The following TRIQK variants were observed in gnomAD, a reference collection of about 807,000 sequenced individuals.
The protein encoded by TRIQK is triple QxxK/R motif-containing protein.
A neutral mutation model predicts 10.8 loss-of-function variants in TRIQK; 10 were observed. The observed-to-expected ratio is 0.92, with a 90% CI of 0.57 to 1.57. The LOEUF is 1.57. Among genes scored for constraint, TRIQK ranks in the 40% most tolerant of loss-of-function variants. The pLI is 0.00. For synonymous variants in TRIQK, 33 were observed against 33.7 expected (o/e 0.98, Z 0.07); for missense variants, 107 against 97.7 (o/e 1.09, Z -0.40).
In TRIQK at chr8:93,015,582, C is replaced by T. The variant is rs150857660; in HGVS notation, c.-181+2027G>A. Among the ~76,000 whole-genome samples the T allele has an allele frequency of 2.2e-3, 340 of 151,894 alleles. 4 individuals are homozygous for T. Among genetic ancestry groups the T allele is most frequent in the East Asian group, 0.02 (103 of 5,170 alleles). ...AAGATGCAACTTTCTAACAAATCCT[C>T]GCTTTTGCTGTTCAGGATGCTATCT... On this transcript the variant is annotated intron_variant, in intron 1 of 4. Coordinates refer to the TRIQK transcript ENST00000520686.
chr8:92,977,909 G>C (rs1812949868), intron 1 of TRIQK, among the ~76,000 whole-genome samples: 1 of 152,128 alleles, frequency 6.6e-6, no homozygotes, highest in Non-Finnish European at 1.5e-5. Context: ...TATTGACCTA[G>C]TTATAGCCAT....
intron 1 of TRIQK, among the ~76,000 whole-genome samples, chr8:92,976,375 A>G (rs904323803): frequency 6.6e-6 from 1 of 151,980 alleles, no homozygotes; most frequent in Non-Finnish European, 1.5e-5. Context: ...TGACTCCTTC[A>G]TCATTATGAA....
chr8:92,951,263 C>T (rs1811889560), intron 2 of TRIQK, among the ~76,000 whole-genome samples: 1 of 152,000 alleles, frequency 6.6e-6, no homozygotes, highest in East Asian at 1.9e-4. Flanking sequence ...TCATAGGCTT[C>T]CAGTTTCCAT....
rs72677457 is a variant in TRIQK at position 92,899,831 on chromosome 8, G to A, written c.62-7757C>T. ...AGGTTTTTGGGGGAACCTCCAAACC[G>A]TTTTCAATAGTGGTTGTACTAATTT... On this transcript the variant is annotated intron_variant, in intron 3 of 4. Transcript: ENST00000521988. Among the ~76,000 whole-genome samples, 363 of 152,250 alleles carry A rather than the reference G, an allele frequency of 2.4e-3. 2 individuals carry two copies. The highest frequency in any genetic ancestry group is 3.7e-3 in the Non-Finnish European group (255 of 68,022).
intron 1 of TRIQK, among the ~76,000 whole-genome samples, chr8:93,007,967 G>A (rs1024573073): frequency 6.6e-6 from 1 of 152,180 alleles, no homozygotes; most frequent in Non-Finnish European, 1.5e-5. Flanking sequence ...GCCATAAAAA[G>A]AAACGAGACC....
At chr8:92,891,909 T>G in intron 4 of TRIQK, 80 bp downstream of exon 4, 2 of 989,096 alleles carry the variant, frequency 2.0e-6, no homozygotes, top group Non-Finnish European at 2.9e-6. Context: ...CATTTAGAAT[T>G]CAACATTTAT....
At chr8:92,958,393 G>A (rs1812283106) in intron 1 of TRIQK, among the ~76,000 whole-genome samples, 1 of 151,914 alleles carries the variant, frequency 6.6e-6, no homozygotes, top group South Asian at 2.1e-4. Flanking sequence ...TGATTGATAT[G>A]TAACTCATAA....
In TRIQK at chr8:92,911,034, TA is replaced by T. The variant is rs766152276; in HGVS notation, c.61+5894del. Reference sequence around the variant, plus strand: ...GGGAATGTTAACAAAATTGACTGCATACTAATTCAGACAGGAAATACTAATA... The same window carrying T: ...GGGAATGTTAACAAAATTGACTGCATCTAATTCAGACAGGAAATACTAATA... On this transcript the variant is annotated intron_variant, in intron 3 of 4. Coordinates refer to ENST00000521988, the MANE Select transcript of TRIQK (RefSeq NM_001171797.2). Among the ~76,000 whole-genome samples the T allele has an allele frequency of 4.4e-4, 66 of 151,528 alleles. 1 individual carries two copies. In the East Asian group the frequency reaches 0.012, roughly 28 times the overall value.
chr8:92,971,202 G>A (rs768973898), intron 1 of TRIQK, among the ~76,000 whole-genome samples: 1 of 152,034 alleles, frequency 6.6e-6, no homozygotes, highest in African/African-American at 2.4e-5. Flanking sequence ...CTGTAGCCTT[G>A]TAGTATAGTT....
intron 1 of TRIQK, among the ~76,000 whole-genome samples, chr8:92,995,003 T>C (rs1051634858): frequency 1.3e-5 from 2 of 152,106 alleles, no homozygotes; most frequent in African/African-American, 4.8e-5. Context: ...CTAAACTATT[T>C]CTACTGAAAG....
intron 2 of TRIQK, among the ~76,000 whole-genome samples, chr8:92,943,469 A>C (rs1811371509): frequency 6.6e-6 from 1 of 152,344 alleles, no homozygotes; most frequent in East Asian, 1.9e-4. Context: ...ATTGGCATAA[A>C]AACAGACACA....
chr8:92,984,413 G>A (rs1813013074), intron 1 of TRIQK, among the ~76,000 whole-genome samples: 1 of 151,992 alleles, frequency 6.6e-6, no homozygotes, highest in African/African-American at 2.4e-5. Flanking sequence ...ATGTCAAGGG[G>A]GAAAAAAGTG....
intron 1 of TRIQK, among the ~76,000 whole-genome samples, chr8:92,963,212 C>T (rs937365701): frequency 6.6e-6 from 1 of 152,182 alleles, no homozygotes; most frequent in African/African-American, 2.4e-5. Flanking sequence ...TGCATATATA[C>T]ATTTATGCGT....
intron 1 of TRIQK, among the ~76,000 whole-genome samples, chr8:92,993,853 G>A (rs776274561): frequency 2.6e-5 from 4 of 152,100 alleles, no homozygotes; most frequent in Non-Finnish European, 2.9e-5. Flanking sequence ...CTTGTCCAGG[G>A]TATCAGAAAC....
chr8:92,924,747 A>C lies in TRIQK; in HGVS notation c.-21-7737T>G, dbSNP rs138262882. Among the ~76,000 whole-genome samples the C allele has an allele frequency of 1.8e-3, 270 of 151,812 alleles. 1 individual carries two copies. Among genetic ancestry groups the C allele is most frequent in the African/African-American group, 6.3e-3 (262 of 41,530 alleles). On this transcript the variant is annotated intron_variant, in intron 2 of 4. Transcript: ENST00000521988. ...GTAATATTAATTATTTCAATATTAT[A>C]AGTCATATTAATTATTTCAATTAAT...
intron 1 of TRIQK, among the ~76,000 whole-genome samples, chr8:92,986,777 T>G (rs1364346764): frequency 6.6e-6 from 1 of 152,182 alleles, no homozygotes; most frequent in Non-Finnish European, 1.5e-5. Context: ...CTGCAATGAT[T>G]CATTCCCAAA....
At chr8:92,965,326 C>A (rs1039209595) in intron 1 of TRIQK, 6 of 152,262 alleles carry the variant, frequency 3.9e-5, no homozygotes, top group African/African-American at 1.4e-4. Flanking sequence ...CACGCGGACA[C>A]CAACATCTGA....
chr8:92,930,858 C>G (rs1810688465), intron 2 of TRIQK, among the ~76,000 whole-genome samples: 1 of 152,056 alleles, frequency 6.6e-6, no homozygotes, highest in South Asian at 2.1e-4. Context: ...AATAAAAAAA[C>G]TTTATTTCAT....
At chr8:92,915,990 T>A (rs1166497384) in intron 3 of TRIQK, among the ~76,000 whole-genome samples, 2 of 152,114 alleles carry the variant, frequency 1.3e-5, no homozygotes, top group Non-Finnish European at 2.9e-5. Flanking sequence ...ATGTAACTTC[T>A]TTGTTTATCC....
Sources: allele counts gnomAD v4.1 joint callset (sites outside exome capture counted in the v4.1 genomes callset), GRCh38; gene constraint gnomAD v4.1.1; transcripts MANE v1.5; gene names NCBI Gene and HGNC (gene_info 2026-07-23, HGNC 2026-07-21).